Variants in KIT observed in about 807,000 individuals in gnomAD.
The protein encoded by KIT is mast/stem cell growth factor receptor Kit.
A neutral mutation model predicts 105.7 loss-of-function variants in KIT; 16 were observed. That is an observed-to-expected ratio of 0.15 (90% CI 0.10 to 0.23). The LOEUF (loss-of-function observed/expected upper bound fraction) is 0.23, where lower values mean the gene tolerates loss of function less well. KIT is among the 10% of genes least tolerant of loss of function. The pLI is 1.00. For synonymous variants in KIT, 438 were observed against 441.1 expected, an observed-to-expected ratio of 0.99 and a Z score of 0.09; for missense variants, 858 against 1,213.8, an observed-to-expected ratio of 0.71 and a Z score of 4.36.
intron 1 of KIT, among the ~76,000 whole-genome samples, chr4:54,690,138 T>G (rs774973041): frequency 6.6e-5 from 10 of 151,978 alleles, no homozygotes; most frequent in Non-Finnish European, 1.2e-4. Flanking sequence ...TTGGGTTTTA[T>G]AAGTTATTGG....
chr4:54,699,605 G>A (rs1165736833), intron 3 of KIT, 25 bp from the exon 4 acceptor site: 36 of 1,613,388 alleles, frequency 2.2e-5, no homozygotes, highest in Non-Finnish European at 3.0e-5. Flanking sequence ...AATTATTTGA[G>A]GGGCCACATT....
chr4:54,695,943 T>C, intron 2 of KIT, 162 bp downstream of exon 2: 1 of 788,952 alleles, frequency 1.3e-6, no homozygotes, highest in Non-Finnish European at 2.0e-6. Flanking sequence ...CATCTTTTGA[T>C]ATGATACATA....
Position 54,699,591 on chromosome 4 carries a change from T to C in KIT, c.620-39T>C, listed in dbSNP as rs749730333. ...GGTAAATCAAAATTTCATGCTATAA[T>C]ACAAATTATTTGAGGGGCCACATTT... On this transcript the variant is annotated intron_variant, in intron 3 of 20. Transcript: ENST00000288135. The C allele has an allele frequency of 1.9e-6, 3 of 1,612,130 alleles. No homozygotes were observed. In the Admixed American group the frequency reaches 5.0e-5, roughly 27 times the overall value.
intron 1 of KIT, among the ~76,000 whole-genome samples, chr4:54,667,126 C>A (rs1380616364): frequency 6.6e-6 from 1 of 152,184 alleles, no homozygotes; most frequent in Non-Finnish European, 1.5e-5. Context: ...TGAAGGACGG[C>A]TCCCAAAGTC....
intron 1 of KIT, among the ~76,000 whole-genome samples, chr4:54,663,182 A>C (rs1410494633): frequency 1.3e-5 from 2 of 152,202 alleles, no homozygotes; most frequent in Non-Finnish European, 2.9e-5. Context: ...GGTTTAAGCC[A>C]AATTATTATT....
chr4:54,703,615 T>G, intron 4 of KIT, 109 bp from the exon 5 acceptor site: 1 of 861,694 alleles, frequency 1.2e-6, no homozygotes, highest in Non-Finnish European at 1.9e-6. Flanking sequence ...ATAATGAAAG[T>G]TAATATGGAG....
At chr4:54,707,477 C>A (rs554325709) in intron 6 of KIT, among the ~76,000 whole-genome samples, 190 bp downstream of exon 6, 19 of 152,288 alleles carry the variant, frequency 1.2e-4, no homozygotes, top group African/African-American at 4.6e-4. Context: ...CACTCTTGCA[C>A]ACGCATGCAC....
intron 5 of KIT, among the ~76,000 whole-genome samples, chr4:54,706,853 C>A (rs1720821982): frequency 6.6e-6 from 1 of 152,124 alleles, no homozygotes; most frequent in African/African-American, 2.4e-5. Flanking sequence ...GGTGATAGAT[C>A]TTTAAGAGAA....
chr4:54,695,475 A>T (rs1446469542), intron 1 of KIT, 37 bp from the exon 2 acceptor site: 2 of 1,612,698 alleles, frequency 1.2e-6, no homozygotes, highest in East Asian at 4.5e-5. Flanking sequence ...GCCAAGGAAG[A>T]AGATCATACT....
rs990605821 is a variant in KIT at position 54,740,228 on chromosome 4, C to T, written c.*1671C>T. ...CATTTGCACTGGAGTTCTATGCTCT[C>T]GCACCTTTCCAAAGTTAACAGATTT... On this transcript the variant is annotated 3_prime_UTR_variant, in exon 21 of 21. Transcript: ENST00000288135. 8.6e-6 allele frequency: 2 copies of T among 233,446 alleles called. No individual in the cohort carries two copies. Among genetic ancestry groups the T allele is most frequent in the African/African-American group, 4.4e-5 (2 of 45,330 alleles). 14.5% of individuals were successfully genotyped at this position (233,446 alleles called of 1,614,324 possible). A position where few individuals can be genotyped will look rare whatever the true frequency, so the allele number is the denominator to read the frequency against.
intron 1 of KIT, among the ~76,000 whole-genome samples, chr4:54,673,856 G>C (rs757165859): frequency 2.6e-5 from 4 of 152,094 alleles, no homozygotes; most frequent in Non-Finnish European, 5.9e-5. Context: ...GTCTTGCTCT[G>C]CCTCCCTAGT....
chr4:54,707,405 C>T, intron 6 of KIT, 118 bp downstream of exon 6: 1 of 755,434 alleles, frequency 1.3e-6, no homozygotes, highest in Non-Finnish European at 2.3e-6. Flanking sequence ...AGAAGAAAGT[C>T]TGGGGCTGCC....
intron 1 of KIT, among the ~76,000 whole-genome samples, chr4:54,681,642 TC>T (rs1224510353): frequency 6.6e-6 from 1 of 152,170 alleles, no homozygotes; most frequent in Non-Finnish European, 1.5e-5. Flanking sequence ...TCTTTGAGTG[TC>T]GAATGATACT....
At chr4:54,695,290 C>A (rs1408323533) in intron 1 of KIT, among the ~76,000 whole-genome samples, 1 of 152,082 alleles carries the variant, frequency 6.6e-6, no homozygotes, top group Non-Finnish European at 1.5e-5. Flanking sequence ...GGCTTGGGGA[C>A]CAAATGTGAC....
At chr4:54,667,951 T>G (rs1358180436) in intron 1 of KIT, among the ~76,000 whole-genome samples, 1 of 152,196 alleles carries the variant, frequency 6.6e-6, no homozygotes, top group Non-Finnish European at 1.5e-5. Flanking sequence ...TAGCCAAGAT[T>G]AGAGATTTTG....
intron 8 of KIT, 48 bp downstream of exon 8, chr4:54,723,746 T>A (rs1722038319): frequency 1.8e-5 from 18 of 1,003,340 alleles, no homozygotes; most frequent in Non-Finnish European, 2.9e-5. Context: ...GGGGAAGGAC[T>A]GCAATTCACT....
At chr4:54,737,370 C>T (rs1197655975) in intron 20 of KIT, 90 bp downstream of exon 20, 11 of 860,928 alleles carry the variant, frequency 1.3e-5, no homozygotes, top group Non-Finnish European at 2.0e-5. Context: ...GGACTAACCT[C>T]CCAACCCCTT....
intron 1 of KIT, among the ~76,000 whole-genome samples, chr4:54,665,289 T>A (rs1042891551): frequency 1.3e-5 from 2 of 152,228 alleles, no homozygotes; most frequent in African/African-American, 4.8e-5. Context: ...TGTTCCTCCT[T>A]TGATGGACAT....
At chr4:54,659,229 G>C (rs1717058949) in intron 1 of KIT, among the ~76,000 whole-genome samples, 1 of 152,208 alleles carries the variant, frequency 6.6e-6, no homozygotes, top group Non-Finnish European at 1.5e-5. Flanking sequence ...CAGAAATCCA[G>C]GTATATCCGC....
Sources: gnomAD v4.1 joint callset for allele counts (sites outside exome capture counted in the v4.1 genomes callset) on GRCh38, gnomAD v4.1.1 for gene constraint, MANE v1.5 for transcripts, NCBI Gene and HGNC (gene_info 2026-07-23, HGNC 2026-07-21) for gene names.